TOP1: variants seen among roughly 807,000 people sequenced by gnomAD.
TOP1 encodes DNA topoisomerase 1.
Under a neutral mutation model 111.1 loss-of-function variants are expected in TOP1, and 10 were observed. That is an observed-to-expected ratio of 0.09 (90% CI 0.06 to 0.15). TOP1 has a LOEUF of 0.15. Ranked by LOEUF, TOP1 falls within the 10% of genes least tolerant of loss-of-function variation. The pLI, the probability that TOP1 is intolerant of heterozygous loss-of-function variation, is 1.00. For synonymous variants in TOP1, 271 were observed against 302.9 expected (o/e 0.89, Z 1.10); for missense variants, 474 against 926.7 (o/e 0.51, Z 6.34).
At chr20:41,057,946 A>T (rs2033494339) in intron 2 of TOP1, among the ~76,000 whole-genome samples, 1 of 152,228 alleles carries the variant, frequency 6.6e-6, no homozygotes, top group Non-Finnish European at 1.5e-5. Context: ...TATTGCTGTC[A>T]AGTAAACTGG....
intron 3 of TOP1, among the ~76,000 whole-genome samples, chr20:41,068,323 C>G (rs549236977): frequency 6.6e-6 from 1 of 152,298 alleles, no homozygotes; most frequent in East Asian, 1.9e-4. Flanking sequence ...CAGCTCACAC[C>G]AAAGTTAGAA....
At chr20:41,066,557 C>G (rs189006503) in intron 3 of TOP1, among the ~76,000 whole-genome samples, 1 of 129,402 alleles carries the variant, frequency 7.7e-6, no homozygotes, top group Admixed American at 7.9e-5. Flanking sequence ...CTTTTCTTTT[C>G]TTTTTTTTTT....
At chr20:41,035,989 A>G (rs2033180072) in intron 2 of TOP1, among the ~76,000 whole-genome samples, 1 of 152,234 alleles carries the variant, frequency 6.6e-6, no homozygotes, top group African/African-American at 2.4e-5. Context: ...GCCAAGCAGC[A>G]GAAGTGGGAT....
At chr20:41,089,856 GT>G (rs1281723908) in intron 8 of TOP1, among the ~76,000 whole-genome samples, 1 of 152,162 alleles carries the variant, frequency 6.6e-6, no homozygotes, top group Non-Finnish European at 1.5e-5. Flanking sequence ...TCTCATTGTG[GT>G]TTTGATTGGT....
intron 2 of TOP1, among the ~76,000 whole-genome samples, chr20:41,042,790 C>G (rs2033284003): frequency 1.3e-5 from 2 of 152,200 alleles, no homozygotes; most frequent in Admixed American, 1.3e-4. Flanking sequence ...AGTCAATTAA[C>G]ACACATTTTG....
chr20:41,033,633 G>A (rs1223449662), intron 2 of TOP1, among the ~76,000 whole-genome samples: 1 of 152,028 alleles, frequency 6.6e-6, no homozygotes, highest in Non-Finnish European at 1.5e-5. Context: ...CTAATGGTAT[G>A]GAAAATGATT....
chr20:41,077,107 T>TG (rs1251446067), intron 4 of TOP1, among the ~76,000 whole-genome samples: 1 of 152,140 alleles, frequency 6.6e-6, no homozygotes, highest in Non-Finnish European at 1.5e-5. Context: ...TAAATAAAGA[T>TG]GGGGGTCTCA....
intron 3 of TOP1, among the ~76,000 whole-genome samples, chr20:41,070,128 C>T (rs138961589): frequency 3.1e-3 from 477 of 152,260 alleles, no homozygotes; most frequent in Non-Finnish European, 5.3e-3. Flanking sequence ...ACTGGAAATA[C>T]TTGAGCAAAG....
intron 8 of TOP1, among the ~76,000 whole-genome samples, chr20:41,089,464 G>A (rs186363633): frequency 5.6e-4 from 86 of 152,248 alleles, no homozygotes; most frequent in Admixed American, 1.0e-3. Flanking sequence ...GTCAACGCTC[G>A]TCCATATTGT....
At chr20:41,087,437 T>G (rs945236209) in intron 8 of TOP1, among the ~76,000 whole-genome samples, 1 of 152,250 alleles carries the variant, frequency 6.6e-6, no homozygotes, top group African/African-American at 2.4e-5. Context: ...CATAAAGAAT[T>G]ACCTGGCGAG....
Position 41,094,064 on chromosome 20 carries a change from TAATA to T in TOP1, c.730+1492_730+1495del, listed in dbSNP as rs779931442. 1.0e-3 allele frequency among the ~76,000 whole-genome samples: 157 copies of T among 151,988 alleles called. 1 individual carries two copies. Among genetic ancestry groups the T allele is most frequent in the African/African-American group, 3.3e-3 (138 of 41,446 alleles). On this transcript the variant is annotated intron_variant, in intron 9 of 20. Transcript: ENST00000361337. The surrounding 1 kb of genome is among the most constrained non-coding windows in gnomAD (Gnocchi z 4.4). ...TGAGACCCTGTCTCAAAAAATAAAA[TAATA>T]AATAAATAAATAAAACATATTTATT...
intron 2 of TOP1, among the ~76,000 whole-genome samples, chr20:41,055,668 CTCTT>C (rs1474094787): frequency 6.6e-6 from 1 of 152,220 alleles, no homozygotes; most frequent in East Asian, 1.9e-4. Flanking sequence ...CTTTCTCTGA[CTCTT>C]TATTACACTG....
chr20:41,118,148 A>G lies in TOP1; in HGVS notation c.1823-21A>G. 3.1e-6 allele frequency: 5 copies of G among 1,611,790 alleles called. No individual in the cohort carries two copies. Among genetic ancestry groups the G allele is most frequent in the South Asian group, 1.1e-5 (1 of 90,920 alleles). On this transcript the variant is annotated intron_variant, in intron 17 of 20. Transcript: ENST00000361337. This position sits in a 1 kb window ranked among gnomAD's most constrained non-coding sequence, Gnocchi z 4.6. ...TGGTGTACAAACTGACCCTCTTGCTACCATGTTCCTTTCTTTACAGCGGAT... is the reference window on the plus strand; with the variant it reads ...TGGTGTACAAACTGACCCTCTTGCTGCCATGTTCCTTTCTTTACAGCGGAT...
At chr20:41,105,532 C>CT (rs2034132076) in intron 13 of TOP1, among the ~76,000 whole-genome samples, 1 of 152,192 alleles carries the variant, frequency 6.6e-6, no homozygotes, top group Non-Finnish European at 1.5e-5. Flanking sequence ...TGTCTTCGCT[C>CT]TGTCACCCAG....
intron 2 of TOP1, among the ~76,000 whole-genome samples, chr20:41,035,635 A>G (rs1441035734): frequency 6.6e-6 from 1 of 152,126 alleles, no homozygotes; most frequent in African/African-American, 2.4e-5. Flanking sequence ...ATTATTCTTT[A>G]TATTGTTTTT....
At chr20:41,074,778 C>T (rs527429718) in intron 3 of TOP1, among the ~76,000 whole-genome samples, 8 of 152,216 alleles carry the variant, frequency 5.3e-5, no homozygotes, top group Non-Finnish European at 1.2e-4. Flanking sequence ...GCCTAATGAG[C>T]TCATTGCTGA....
chr20:41,029,543 A>T lies in TOP1; in HGVS notation c.58+88A>T, dbSNP rs2033090137. ...TGCCGGTGCCGGGCAGAGGACAGAC[A>T]TGGCGTCCCAGAGACTAAGTCCCGG... On this transcript the variant is annotated intron_variant, in intron 2 of 20. Transcript: ENST00000361337. This position sits in a 1 kb window ranked among gnomAD's most constrained non-coding sequence, Gnocchi z 6.1. 9.3e-7 allele frequency: 1 copy of T among 1,078,488 alleles called. No individual in the cohort carries two copies. Among genetic ancestry groups the T allele is most frequent in the Non-Finnish European group, 1.4e-6 (1 of 725,164 alleles). The allele number at this position is 1,078,488 out of a possible 1,614,324, so 66.8% of individuals were successfully genotyped here.
rs1179994728 is a variant in TOP1 at position 41,079,562 on chromosome 20, T to A, written c.336-523T>A. ...AACACGTGCCCTACTTTTGTTGTAA[T>A]GTTGTCAGCTTGGTTATTTTTCCAT... On this transcript the variant is annotated intron_variant, in intron 5 of 20. Coordinates refer to ENST00000361337, the MANE Select transcript of TOP1 (RefSeq NM_003286.4). The surrounding 1 kb of genome is among the most constrained non-coding windows in gnomAD (Gnocchi z 4.0). Among the ~76,000 whole-genome samples, 1 of 152,236 alleles carries A rather than the reference T, an allele frequency of 6.6e-6. No homozygotes were observed. The highest frequency in any genetic ancestry group is 6.5e-5 in the Admixed American group (1 of 15,288).
intron 4 of TOP1, among the ~76,000 whole-genome samples, chr20:41,076,601 G>A (rs1028250246): frequency 1.3e-5 from 2 of 152,306 alleles, no homozygotes; most frequent in African/African-American, 4.8e-5. Flanking sequence ...ATGGTCTTCT[G>A]TTCATTAAAG....
Sources: gnomAD v4.1 joint callset for allele counts (sites outside exome capture counted in the v4.1 genomes callset) on GRCh38, gnomAD v4.1.1 for gene constraint, Gnocchi (gnomAD v3.1) non-coding constraint, MANE v1.5 for transcripts, NCBI Gene and HGNC (gene_info 2026-07-23, HGNC 2026-07-21) for gene names.